Variants in RPAP2 observed in about 807,000 individuals in gnomAD.
The protein encoded by RPAP2 is putative RNA polymerase II subunit B1 CTD phosphatase RPAP2.
A neutral mutation model predicts 73.1 loss-of-function variants in RPAP2; 52 were observed. The observed-to-expected ratio is 0.71, with a 90% CI of 0.57 to 0.90. The LOEUF (loss-of-function observed/expected upper bound fraction) is 0.90, where lower values mean the gene tolerates loss of function less well. Ranked by LOEUF, RPAP2 falls within the 40% of genes least tolerant of loss-of-function variation. RPAP2 has a pLI of 0.00. For missense variants in RPAP2, 598 were observed against 701.8 expected (o/e 0.85, Z 1.67); for synonymous variants, 225 against 242.1 (o/e 0.93, Z 0.65).
chr1:92,392,692 G>A lies in RPAP2; in HGVS notation c.*5681G>A, dbSNP rs1656085880. 6.6e-6 allele frequency: 1 copy of A among 152,166 alleles called. No homozygotes were observed. The highest frequency in any genetic ancestry group is 6.5e-5 in the Admixed American group (1 of 15,272). 9.4% of individuals were successfully genotyped at this position (152,166 alleles called of 1,614,324 possible). ...GATAAGCAACTTCAGCAAAGTCTCA[G>A]GATACAAAATCGGTGTGCAAAAATC... On this transcript the variant is annotated 3_prime_UTR_variant, in exon 13 of 13. Transcript: ENST00000610020.
intron 4 of RPAP2, 76 bp downstream of exon 4, chr1:92,304,151 A>C: frequency 7.8e-7 from 1 of 1,277,208 alleles, no homozygotes; most frequent in Non-Finnish European, 1.1e-6. Flanking sequence ...TAAGAATAAG[A>C]AATAAAACCT....
At chr1:92,333,599 G>T in intron 9 of RPAP2, 126 bp downstream of exon 9, 2 of 673,044 alleles carry the variant, frequency 3.0e-6, no homozygotes, top group South Asian at 2.1e-5. Context: ...AAGTTCACAT[G>T]GATTTCTTCA....
intron 11 of RPAP2, among the ~76,000 whole-genome samples, chr1:92,375,077 G>T (rs905403951): frequency 1.3e-5 from 2 of 152,028 alleles, no homozygotes; most frequent in African/African-American, 4.8e-5. Context: ...ATTATATATA[G>T]ACCTTATTCA....
intron 11 of RPAP2, among the ~76,000 whole-genome samples, chr1:92,349,089 T>C (rs1019220187): frequency 4.3e-4 from 65 of 152,228 alleles, no homozygotes; most frequent in Admixed American, 1.3e-4. Context: ...GTATGTCTTT[T>C]TTAAAAATAA....
chr1:92,371,303 T>C (rs1210168914), intron 11 of RPAP2, among the ~76,000 whole-genome samples: 1 of 54,296 alleles, frequency 1.8e-5, no homozygotes, highest in African/African-American at 1.2e-4. Flanking sequence ...AGTCTCTGTC[T>C]CAAAAAAAAA....
rs1269211429 is a variant in RPAP2 at position 92,393,974 on chromosome 1, G to A, written c.*6963G>A. On this transcript the variant is annotated 3_prime_UTR_variant, in exon 13 of 13. Transcript: ENST00000610020. ...CATTTGACCCAGCAATCCCACTATT[G>A]GGCATATACCCAAAAGATTATAAAT... 1 of 152,096 alleles carries A rather than the reference G, an allele frequency of 6.6e-6. No homozygotes were observed. The highest frequency in any genetic ancestry group is 1.5e-5 in the Non-Finnish European group (1 of 68,040). The allele number at this position is 152,096 out of a possible 1,614,324, so 9.4% of individuals were successfully genotyped here.
At chr1:92,373,755 A>AT (rs1557630336) in intron 11 of RPAP2, among the ~76,000 whole-genome samples, 3 of 145,940 alleles carry the variant, frequency 2.1e-5, no homozygotes, top group Non-Finnish European at 4.5e-5. Context: ...AAAAAAAAAA[A>AT]AAAAAAAAAA....
intron 10 of RPAP2, 69 bp from the exon 11 acceptor site, chr1:92,345,776 GT>G: frequency 2.1e-6 from 2 of 954,136 alleles, no homozygotes; most frequent in Middle Eastern, 4.6e-4. Flanking sequence ...TAAATCTGAT[GT>G]TATCTAGAAA....
At chr1:92,385,005 A>G (rs1655806286) in intron 12 of RPAP2, among the ~76,000 whole-genome samples, 1 of 151,728 alleles carries the variant, frequency 6.6e-6, no homozygotes, top group African/African-American at 2.4e-5. Flanking sequence ...TCTACAAAAA[A>G]TAAAAAAATT....
chr1:92,325,381 A>C (rs912642036), intron 8 of RPAP2, among the ~76,000 whole-genome samples: 1 of 152,106 alleles, frequency 6.6e-6, no homozygotes, highest in African/African-American at 2.4e-5. Flanking sequence ...CCCTACTTCA[A>C]ATCATTTCAA....
intron 11 of RPAP2, among the ~76,000 whole-genome samples, chr1:92,367,558 A>G (rs535703099): frequency 1.4e-4 from 21 of 152,290 alleles, no homozygotes; most frequent in African/African-American, 4.6e-4. Context: ...TTTCAGCCCA[A>G]TGTTATCTTT....
chr1:92,318,451 C>T (rs1239840349), intron 6 of RPAP2, among the ~76,000 whole-genome samples: 2 of 152,180 alleles, frequency 1.3e-5, no homozygotes, highest in African/African-American at 4.8e-5. Flanking sequence ...CATTGTATCC[C>T]TTTGGCCCTG....
intron 11 of RPAP2, among the ~76,000 whole-genome samples, chr1:92,356,593 T>TG (rs1571118500): frequency 1.3e-5 from 2 of 150,388 alleles, no homozygotes; most frequent in Non-Finnish European, 3.0e-5. Flanking sequence ...TAATTTTTTT[T>TG]TTTTTTTTTT....
At chr1:92,313,583 A>G (rs1452546346) in intron 6 of RPAP2, among the ~76,000 whole-genome samples, 1 of 151,796 alleles carries the variant, frequency 6.6e-6, no homozygotes, top group Non-Finnish European at 1.5e-5. Context: ...CATAATTCTT[A>G]GGGGCCCTAG....
chr1:92,346,776 A>G (rs558919286), intron 11 of RPAP2, among the ~76,000 whole-genome samples: 52 of 152,288 alleles, frequency 3.4e-4, no homozygotes, highest in Non-Finnish European at 7.1e-4. Context: ...TTCTAAGGCT[A>G]TTTATCAATA....
At chr1:92,364,664 C>T (rs563548040) in intron 11 of RPAP2, among the ~76,000 whole-genome samples, 1 of 152,244 alleles carries the variant, frequency 6.6e-6, no homozygotes, top group South Asian at 2.1e-4. Context: ...CATATCTAAT[C>T]AATTGCTAAG....
intron 1 of RPAP2, 78 bp from the exon 2 acceptor site, chr1:92,300,116 T>C: frequency 4.1e-6 from 4 of 964,660 alleles, no homozygotes; most frequent in Admixed American, 2.1e-5. Flanking sequence ...ATTTTAATCT[T>C]ATGAGACCGC....
At position 92,392,580 on chromosome 1, in the gene RPAP2, A is replaced by C. The variant is rs1413313620; in HGVS notation, c.*5569A>C. Reference sequence around the variant, plus strand: ...CAATAAAGCATATTCAAATAGGAAGAGAGGAAGTCAAATTGTCTCTGTTTG... The same window carrying C: ...CAATAAAGCATATTCAAATAGGAAGCGAGGAAGTCAAATTGTCTCTGTTTG... On this transcript the variant is annotated 3_prime_UTR_variant, in exon 13 of 13. Coordinates refer to ENST00000610020, the MANE Select transcript of RPAP2 (RefSeq NM_024813.3). 3 of 152,362 alleles carry C rather than the reference A, an allele frequency of 2.0e-5. No homozygotes were observed. Among genetic ancestry groups the C allele is most frequent in the African/African-American group, 7.2e-5 (3 of 41,586 alleles). 9.4% of individuals were successfully genotyped at this position (152,362 alleles called of 1,614,324 possible).
chr1:92,342,105 G>A (rs1166255322), intron 10 of RPAP2, among the ~76,000 whole-genome samples: 1 of 152,164 alleles, frequency 6.6e-6, no homozygotes, highest in Non-Finnish European at 1.5e-5. Flanking sequence ...TTCTAATAGA[G>A]GGAGTACAAA....
Sources: gnomAD v4.1 joint callset for allele counts (sites outside exome capture counted in the v4.1 genomes callset) on GRCh38, gnomAD v4.1.1 for gene constraint, MANE v1.5 for transcripts, NCBI Gene and HGNC (gene_info 2026-07-23, HGNC 2026-07-21) for gene names.